PTPRD: variants seen among roughly 807,000 people sequenced by gnomAD.
PTPRD encodes receptor-type tyrosine-protein phosphatase delta.
In PTPRD, 34 loss-of-function variants were observed where a neutral mutation model predicts 214.5. The ratio of observed to expected loss-of-function variants is 0.16; its 90% confidence interval spans 0.12 to 0.21. The LOEUF (loss-of-function observed/expected upper bound fraction) is 0.21, where lower values mean the gene tolerates loss of function less well. Among genes scored for constraint, PTPRD ranks in the 10% least tolerant of loss-of-function variants. PTPRD has a pLI of 1.00. For synonymous variants in PTPRD, 1,128 were observed against 845.7 expected (o/e 1.33, Z -5.79); for missense variants, 2,545 against 2,398.7 (o/e 1.06, Z -1.27).
At chr9:10,571,031 T>C (rs913239166) in intron 2 of PTPRD, among the ~76,000 whole-genome samples, 2 of 152,166 alleles carry the variant, frequency 1.3e-5, no homozygotes, top group African/African-American at 4.8e-5. Context: ...TTGTGGCATT[T>C]CCATTAATCT....
At chr9:8,641,033 C>T (rs1340368993) in intron 12 of PTPRD, among the ~76,000 whole-genome samples, 1 of 148,210 alleles carries the variant, frequency 6.7e-6, no homozygotes, top group African/African-American at 2.7e-5. Flanking sequence ...TCTTTATTCT[C>T]AGAGGGATAT....
At chr9:10,493,657 C>A (rs2041108923) in intron 2 of PTPRD, among the ~76,000 whole-genome samples, 1 of 151,968 alleles carries the variant, frequency 6.6e-6, no homozygotes, top group African/African-American at 2.4e-5. Flanking sequence ...CCTAATACCA[C>A]ATAACATCAA....
At chr9:9,624,546 C>T (rs1367978023) in intron 7 of PTPRD, among the ~76,000 whole-genome samples, 1 of 152,056 alleles carries the variant, frequency 6.6e-6, no homozygotes, top group Non-Finnish European at 1.5e-5. Flanking sequence ...CCTTGGCCTC[C>T]CAAGGTGCTA....
chr9:9,991,022 C>T (rs1166708901), intron 4 of PTPRD, among the ~76,000 whole-genome samples: 1 of 151,272 alleles, frequency 6.6e-6, no homozygotes, highest in East Asian at 1.9e-4. Context: ...ACAACCTCTG[C>T]CTCCCAGGTT....
intron 2 of PTPRD, among the ~76,000 whole-genome samples, chr9:10,367,569 T>C (rs2097538357): frequency 1.3e-5 from 2 of 152,018 alleles, no homozygotes; most frequent in Admixed American, 1.3e-4. Context: ...AAAAGCAAAA[T>C]AAAAGTGCAA....
chr9:9,269,097 C>T (rs4361814), intron 9 of PTPRD, among the ~76,000 whole-genome samples: 69,434 of 150,926 alleles, frequency 0.46, 16,442 homozygotes, highest in African/African-American at 0.58. Flanking sequence ...GAAAAAATAT[C>T]TGCAAACCAC....
intron 3 of PTPRD, among the ~76,000 whole-genome samples, chr9:10,304,683 T>C (rs2095996008): frequency 6.6e-6 from 1 of 152,098 alleles, no homozygotes; most frequent in Non-Finnish European, 1.5e-5. Flanking sequence ...AAAAAATACC[T>C]AGGAATCTAA....
chr9:9,148,861 A>C (rs896889440), intron 10 of PTPRD, among the ~76,000 whole-genome samples: 12 of 152,204 alleles, frequency 7.9e-5, no homozygotes, highest in African/African-American at 2.9e-4. Flanking sequence ...AAGGTAATAA[A>C]AACAAGAAAA....
At chr9:9,285,432 A>G (rs1418564823) in intron 9 of PTPRD, among the ~76,000 whole-genome samples, 1 of 151,598 alleles carries the variant, frequency 6.6e-6, no homozygotes, top group Non-Finnish European at 1.5e-5. Context: ...ATCACTCAAT[A>G]TTTCTTCTTT....
chr9:10,468,211 T>C (rs950073406), intron 2 of PTPRD, among the ~76,000 whole-genome samples: 6 of 152,200 alleles, frequency 3.9e-5, no homozygotes, highest in African/African-American at 9.7e-5. Context: ...TATATGTTTA[T>C]TGCAGTACAA....
At chr9:10,527,449 G>A (rs2054652306) in intron 2 of PTPRD, among the ~76,000 whole-genome samples, 1 of 152,154 alleles carries the variant, frequency 6.6e-6, no homozygotes, top group Admixed American at 6.6e-5. Context: ...AAGAATAAAA[G>A]CGTAAGCTAA....
intron 5 of PTPRD, among the ~76,000 whole-genome samples, chr9:9,886,069 G>C (rs1566009411): frequency 6.6e-6 from 1 of 151,834 alleles, no homozygotes; most frequent in Non-Finnish European, 1.5e-5. Flanking sequence ...AACTGCTATG[G>C]ATAGAAAACA....
chr9:8,467,092 G>T (rs1348543717), intron 31 of PTPRD, among the ~76,000 whole-genome samples: 3 of 151,784 alleles, frequency 2.0e-5, no homozygotes, highest in African/African-American at 7.3e-5. Flanking sequence ...GGAAAATTTT[G>T]GCCGACATTA....
chr9:10,185,139 T>C (rs1564388454), intron 3 of PTPRD, among the ~76,000 whole-genome samples: 2 of 152,218 alleles, frequency 1.3e-5, no homozygotes, highest in Admixed American at 6.5e-5. Context: ...GCATTAAAGA[T>C]GATCTCACTG....
chr9:10,515,287 T>G (rs1463422706), intron 2 of PTPRD, among the ~76,000 whole-genome samples: 1 of 151,968 alleles, frequency 6.6e-6, no homozygotes, highest in Non-Finnish European at 1.5e-5. Flanking sequence ...AAATATAAAT[T>G]TTTTATGCTC....
chr9:9,289,750 C>T (rs1689661098), intron 9 of PTPRD, among the ~76,000 whole-genome samples: 1 of 151,642 alleles, frequency 6.6e-6, no homozygotes, highest in Non-Finnish European at 1.5e-5. Flanking sequence ...CTTTACATAA[C>T]GTCTCACAGG....
chr9:8,454,697 C>A, intron 33 of PTPRD: 3 of 1,276,036 alleles, frequency 2.4e-6, no homozygotes, highest in South Asian at 2.5e-5. Context: ...AAATAGTGTT[C>A]ACAAGCAAGG....
chr9:8,812,892 C>T (rs543095581), intron 11 of PTPRD, among the ~76,000 whole-genome samples: 20 of 152,048 alleles, frequency 1.3e-4, no homozygotes, highest in African/African-American at 4.6e-4. Flanking sequence ...AAACTCAATC[C>T]TGTCAAAATA....
At chr9:9,981,272 A>T (rs1342024472) in intron 4 of PTPRD, among the ~76,000 whole-genome samples, 33 of 152,098 alleles carry the variant, frequency 2.2e-4, no homozygotes, top group Admixed American at 2.2e-3. Flanking sequence ...ACGCAGTTTT[A>T]ACTTTAAAAT....
Sources: allele counts gnomAD v4.1 joint callset (sites outside exome capture counted in the v4.1 genomes callset), GRCh38; gene constraint gnomAD v4.1.1; transcripts MANE v1.5; gene names NCBI Gene and HGNC (gene_info 2026-07-23, HGNC 2026-07-21).